Variants in ADAMTSL1 observed in about 807,000 individuals in gnomAD.
The protein encoded by ADAMTSL1 is ADAMTS-like protein 1.
In ADAMTSL1, 126 loss-of-function variants were observed where a neutral mutation model predicts 201.8. The observed-to-expected ratio is 0.62, with a 90% CI of 0.54 to 0.72. ADAMTSL1 has a LOEUF of 0.72. Ranked by LOEUF, ADAMTSL1 falls within the 30% of genes least tolerant of loss-of-function variation. The pLI is 0.00. For missense variants in ADAMTSL1, 2,679 were observed against 2,277.8 expected, an observed-to-expected ratio of 1.18 and a Z score of -3.59; for synonymous variants, 1,121 against 903.4, an observed-to-expected ratio of 1.24 and a Z score of -4.32.
intron 1 of ADAMTSL1, among the ~76,000 whole-genome samples, chr9:17,962,703 T>C (rs1304951696): frequency 1.3e-5 from 2 of 152,240 alleles, no homozygotes; most frequent in African/African-American, 4.8e-5. Context: ...TTCCCCCATA[T>C]GATATCTTTA....
intron 2 of ADAMTSL1, among the ~76,000 whole-genome samples, chr9:18,463,903 A>G (rs996779585): frequency 3.3e-5 from 5 of 152,164 alleles, no homozygotes; most frequent in African/African-American, 1.2e-4. Context: ...TCATATGGCA[A>G]TTCTATGTTT....
rs180842228 is a variant in ADAMTSL1, at chr9:18,726,228, C to T, written c.2006+4563C>T. On this transcript the variant is annotated intron_variant, in intron 15 of 28. Coordinates refer to ENST00000380548, the MANE Select transcript of ADAMTSL1 (RefSeq NM_001040272.6). ...CTTAATACTTAAGCTTCAGTCTGGG[C>T]GTGGTGGCTCACACCTGTAATCCCA... is the stretch of plus-strand genomic sequence containing the variant. 3.5e-3 allele frequency among the ~76,000 whole-genome samples: 535 copies of T among 152,212 alleles called. 1 individual carries two copies. Among genetic ancestry groups the T allele is most frequent in the Non-Finnish European group, 5.6e-3 (379 of 68,034 alleles).
chr9:17,926,528 C>G (rs1563899607), intron 1 of ADAMTSL1, among the ~76,000 whole-genome samples: 1 of 152,084 alleles, frequency 6.6e-6, no homozygotes, highest in Non-Finnish European at 1.5e-5. Context: ...GAGTGCTGCT[C>G]TAAATAAATA....
At chr9:18,645,532 T>G (rs1275403056) in intron 7 of ADAMTSL1, among the ~76,000 whole-genome samples, 2 of 150,930 alleles carry the variant, frequency 1.3e-5, no homozygotes, top group South Asian at 2.1e-4. Flanking sequence ...GTCTAACGTT[T>G]AAGTCTTTAA....
At chr9:18,348,090 C>T (rs1563903304) in intron 2 of ADAMTSL1, among the ~76,000 whole-genome samples, 1 of 152,188 alleles carries the variant, frequency 6.6e-6, no homozygotes, top group Admixed American at 6.5e-5. Flanking sequence ...AGTTTAATCT[C>T]TCGCCAATTG....
intron 2 of ADAMTSL1, among the ~76,000 whole-genome samples, chr9:18,421,286 C>T (rs1418692313): frequency 6.6e-6 from 1 of 152,152 alleles, no homozygotes; most frequent in Non-Finnish European, 1.5e-5. Context: ...AGTAACTCTG[C>T]AATACCTGTA....
intron 4 of ADAMTSL1, among the ~76,000 whole-genome samples, chr9:18,578,975 G>A (rs1416377670): frequency 1.3e-5 from 2 of 151,370 alleles, no homozygotes; most frequent in African/African-American, 4.9e-5. Flanking sequence ...TTCTCTGATG[G>A]CCAGTGATGA....
chr9:18,558,527 T>A (rs1219907262), intron 3 of ADAMTSL1, among the ~76,000 whole-genome samples: 1 of 152,188 alleles, frequency 6.6e-6, no homozygotes, highest in Non-Finnish European at 1.5e-5. Context: ...ATATACCAAG[T>A]AATGGGATTG....
chr9:18,103,389 G>A (rs952639953), intron 1 of ADAMTSL1, among the ~76,000 whole-genome samples: 4 of 152,042 alleles, frequency 2.6e-5, no homozygotes, highest in Non-Finnish European at 5.9e-5. Flanking sequence ...TTTCTCAAGC[G>A]ATTGTAATCT....
chr9:18,463,647 CA>C (rs1235432145), intron 2 of ADAMTSL1, among the ~76,000 whole-genome samples: 4 of 152,166 alleles, frequency 2.6e-5, no homozygotes, highest in Admixed American at 2.6e-4. Flanking sequence ...TACATGTCTT[CA>C]AGGCTCATCC....
intron 16 of ADAMTSL1, among the ~76,000 whole-genome samples, chr9:18,757,063 TC>T (rs1819814812): frequency 6.6e-6 from 1 of 152,164 alleles, no homozygotes; most frequent in Non-Finnish European, 1.5e-5. Context: ...GAAACAGAAA[TC>T]TAATTCTAGC....
At chr9:18,692,972 T>C (rs897418025) in intron 13 of ADAMTSL1, among the ~76,000 whole-genome samples, 1 of 152,240 alleles carries the variant, frequency 6.6e-6, no homozygotes, top group African/African-American at 2.4e-5. Flanking sequence ...ATCCTCACTT[T>C]TCATTTCTGA....
At chr9:18,799,653 G>A (rs1416550137) in intron 20 of ADAMTSL1, among the ~76,000 whole-genome samples, 1 of 152,188 alleles carries the variant, frequency 6.6e-6, no homozygotes, top group Non-Finnish European at 1.5e-5. Flanking sequence ...AGGGATGAGT[G>A]TATCTTTCAT....
intron 23 of ADAMTSL1, among the ~76,000 whole-genome samples, chr9:18,858,806 G>A (rs535193944): frequency 3.3e-5 from 5 of 152,214 alleles, no homozygotes; most frequent in Non-Finnish European, 5.9e-5. Context: ...TTCCACTCCC[G>A]CTTTCTGGTT....
In ADAMTSL1 at chr9:18,490,506, A is replaced by C. The variant is rs770774895; in HGVS notation, c.64-14323A>C. 2.5e-4 allele frequency among the ~76,000 whole-genome samples: 38 copies of C among 152,350 alleles called. 1 individual carries two copies. The highest frequency in any genetic ancestry group is 1.8e-3 in the Admixed American group (27 of 15,306). On this transcript the variant is annotated intron_variant, in intron 1 of 28. Transcript: ENST00000380548. Reference sequence around the variant, plus strand: ...TGGATGTGCTGAGTTTAAAGTATCAACAAAGCATTCAGGTAAGTGAAACTA... The same window carrying C: ...TGGATGTGCTGAGTTTAAAGTATCACCAAAGCATTCAGGTAAGTGAAACTA...
intron 7 of ADAMTSL1, among the ~76,000 whole-genome samples, chr9:18,643,048 A>G (rs555302360): frequency 6.6e-6 from 1 of 152,134 alleles, no homozygotes; most frequent in South Asian, 2.1e-4. Context: ...ATTCCCACCC[A>G]TAGTATCAAA....
chr9:18,260,842 C>A (rs534662824), intron 2 of ADAMTSL1, among the ~76,000 whole-genome samples: 96 of 152,250 alleles, frequency 6.3e-4, no homozygotes, highest in Middle Eastern at 3.4e-3. Context: ...GCTTGTCCAC[C>A]TAGCTCCCGT....
chr9:18,611,475 C>T (rs1825360058), intron 4 of ADAMTSL1, among the ~76,000 whole-genome samples: 1 of 152,038 alleles, frequency 6.6e-6, no homozygotes, highest in Non-Finnish European at 1.5e-5. Flanking sequence ...ACTAAAGAAA[C>T]AAATTTCACC....
chr9:18,095,579 C>T (rs909425278), intron 1 of ADAMTSL1, among the ~76,000 whole-genome samples: 14 of 151,832 alleles, frequency 9.2e-5, no homozygotes, highest in East Asian at 1.9e-4. Flanking sequence ...CATGCCACCA[C>T]GCCCGGCTAA....
Sources: allele counts gnomAD v4.1 joint callset (sites outside exome capture counted in the v4.1 genomes callset), GRCh38; gene constraint gnomAD v4.1.1; transcripts MANE v1.5; gene names NCBI Gene and HGNC (gene_info 2026-07-23, HGNC 2026-07-21).